The following PER3 variants were observed in gnomAD, a reference collection of about 807,000 sequenced individuals.
PER3 encodes the protein period circadian regulator 3.
In PER3, 107 loss-of-function variants were observed where a neutral mutation model predicts 127.2. The observed-to-expected ratio is 0.84, with a 90% CI of 0.72 to 0.99. PER3 has a LOEUF of 0.99. PER3 is among the 50% of genes least tolerant of loss of function. The pLI, the probability that PER3 is intolerant of heterozygous loss-of-function variation, is 0.00. For synonymous variants in PER3, 618 were observed against 585.8 expected, an observed-to-expected ratio of 1.05 and a Z score of -0.79; for missense variants, 1,560 against 1,525.8, an observed-to-expected ratio of 1.02 and a Z score of -0.37.
intron 19 of PER3, 36 bp downstream of exon 19, chr1:7,830,197 A>G (rs763593756): frequency 1.7e-5 from 27 of 1,547,890 alleles, no homozygotes; most frequent in African/African-American, 4.1e-5. Context: ...TCAAACTCCA[A>G]TGCCAGACAT....
chr1:7,830,144 C>A lies in PER3; in HGVS notation c.3197C>A (p.Thr1066Asn), dbSNP rs1414636473. 3.7e-6 allele frequency: 6 copies of A among 1,613,966 alleles called. No homozygotes were observed. In the Admixed American group the frequency reaches 1.0e-4, roughly 27 times the overall value. ...GSPPSESPSR[T>N]GSAASGSSDS... The stretch of plus-strand genomic sequence containing the variant: ...CCTCCCAGCGAATCCCCATCCAGAA[C>A]TGGTTCAGCAGCATCAGGTAGTGGA... The change falls in exon 19 of 22, where the codon ACT becomes AAT. Residue 1066 changes from threonine (T) to asparagine (N), a missense_variant. Physicochemically the swap from Thr to Asn is moderately conservative, Grantham distance 65. Coordinates refer to ENST00000377532, the MANE Select transcript of PER3 (RefSeq NM_001377275.1).
In PER3 at chr1:7,843,830, G is replaced by C; in HGVS notation, c.*1075G>C. On this transcript the variant is annotated 3_prime_UTR_variant, in exon 22 of 22. Coordinates refer to ENST00000377532, the MANE Select transcript of PER3 (RefSeq NM_001377275.1). ...GTCACCGCTTTCTATGGCGTTTGTA[G>C]TTGTGTCTTTTAAGAAGTGAGTGTG... 3.1e-6 allele frequency: 3 copies of C among 978,026 alleles called. No individual in the cohort carries two copies. Among genetic ancestry groups the C allele is most frequent in the Non-Finnish European group, 4.0e-6 (3 of 751,938 alleles). 60.6% of individuals were successfully genotyped at this position (978,026 alleles called of 1,614,324 possible).
intron 6 of PER3, among the ~76,000 whole-genome samples, chr1:7,796,600 C>G (rs935054539): frequency 3.9e-5 from 6 of 152,074 alleles, no homozygotes; most frequent in Non-Finnish European, 7.4e-5. Context: ...CAGGCGTGAG[C>G]CACCATGCCT....
At chr1:7,837,415 T>G (rs190693126) in intron 21 of PER3, among the ~76,000 whole-genome samples, 2 of 152,310 alleles carry the variant, frequency 1.3e-5, no homozygotes, top group Admixed American at 6.5e-5. Context: ...CCAGTTGGAA[T>G]GTTAGGGTAC....
rs754490513 is a variant in PER3 at position 7,826,432 on chromosome 1, C to G, written c.1958-48C>G. On this transcript the variant is annotated intron_variant, in intron 16 of 21. Coordinates refer to ENST00000377532, the MANE Select transcript of PER3 (RefSeq NM_001377275.1). This position sits in a 1 kb window ranked among gnomAD's most constrained non-coding sequence, Gnocchi z 4.2. ...GGCAGTTAACAAAGTAAAATAAATA[C>G]AAATAATTGATAGGAATTAAAATTA... 5 of 1,031,868 alleles carry G rather than the reference C, an allele frequency of 4.8e-6. No homozygotes were observed. The South Asian group carries it at 6.7e-5, about 14-fold the overall frequency. The allele number at this position is 1,031,868 out of a possible 1,614,324, so 63.9% of individuals were successfully genotyped here. A position where few individuals can be genotyped will look rare whatever the true frequency, so the allele number is the denominator to read the frequency against.
At chr1:7,835,218 G>A (rs228657) in intron 19 of PER3, among the ~76,000 whole-genome samples, 11,369 of 152,206 alleles carry the variant, frequency 0.075, 531 homozygotes, top group Middle Eastern at 0.13. Context: ...GTGATGATGC[G>A]TTTATTGTAG....
At chr1:7,814,316 T>C (rs1425861424) in intron 13 of PER3, among the ~76,000 whole-genome samples, 1 of 152,098 alleles carries the variant, frequency 6.6e-6, no homozygotes, top group Non-Finnish European at 1.5e-5. Context: ...ATATTCAAAC[T>C]GATGGAAAAA....
Position 7,820,518 on chromosome 1 carries a change from G to T in PER3, c.1835G>T (p.Arg612Leu). 1 of 1,613,856 alleles carries T rather than the reference G, an allele frequency of 6.2e-7. No individual in the cohort carries two copies. The highest frequency in any genetic ancestry group is 1.1e-5 in the South Asian group (1 of 91,040). Residue 612 changes from arginine to leucine, a missense_variant, in exon 16 of 22, where the codon CGG becomes CTG. Around this residue, in one of 3 missense-constraint regions of PER3, gnomAD observed 1,332 missense variants for 1,223.6 expected, o/e 1.09. Coordinates refer to ENST00000377532, the MANE Select transcript of PER3 (RefSeq NM_001377275.1). ...IPKSEMPTNG[R>L]SIDTGGGAPQ... Reference sequence around the variant, plus strand: ...AAATCAGAAATGCCAACAAATGGACGGTCCATAGACACAGGAGGAGGAGCT... The same window carrying T: ...AAATCAGAAATGCCAACAAATGGACTGTCCATAGACACAGGAGGAGGAGCT...
At chr1:7,841,483 A>C (rs943964628) in intron 21 of PER3, among the ~76,000 whole-genome samples, 1 of 152,172 alleles carries the variant, frequency 6.6e-6, no homozygotes, top group Non-Finnish European at 1.5e-5. Flanking sequence ...GTCCAAGGTC[A>C]GGGATGGGTA....
intron 19 of PER3, among the ~76,000 whole-genome samples, chr1:7,834,101 G>A (rs1201017944): frequency 2.0e-5 from 3 of 151,914 alleles, no homozygotes; most frequent in African/African-American, 7.3e-5. Flanking sequence ...TGTATTTTTA[G>A]TATAGACGGA....
rs200589634 is a variant in PER3 at position 7,785,525 on chromosome 1, C to T, written c.213C>T (p.Arg71=). Residue 71 remains arginine, a synonymous_variant, in exon 3 of 22, where the codon CGC becomes CGT. Coordinates refer to ENST00000377532, the MANE Select transcript of PER3 (RefSeq NM_001377275.1). The part of the protein sequence containing the change: ...EMKKYFPSER[R]NKPSTLDALN... ...AAAAATACTTCCCCTCGGAGAGACG[C>T]AATAAACCAAGCACTCTAGATGCCC... 7.2e-5 allele frequency: 116 copies of T among 1,612,332 alleles called. No individual in the cohort carries two copies. Among genetic ancestry groups the T allele is most frequent in the Non-Finnish European group, 9.5e-5 (112 of 1,178,454 alleles).
intron 13 of PER3, among the ~76,000 whole-genome samples, chr1:7,819,016 T>C (rs1333463417): frequency 6.6e-6 from 1 of 152,372 alleles, no homozygotes; most frequent in African/African-American, 2.4e-5. Context: ...TGATAATCTT[T>C]GTTGGAAATT....
chr1:7,840,034 C>T (rs2097377309), intron 21 of PER3, among the ~76,000 whole-genome samples: 1 of 152,114 alleles, frequency 6.6e-6, no homozygotes, highest in South Asian at 2.1e-4. Flanking sequence ...GATGGTTTCC[C>T]ACATGTCCTC....
intron 5 of PER3, among the ~76,000 whole-genome samples, chr1:7,788,959 C>G (rs1190454526): frequency 6.6e-6 from 1 of 151,210 alleles, no homozygotes; most frequent in African/African-American, 2.4e-5. Flanking sequence ...TTTTTCTTGC[C>G]CCTGAAACTT....
intron 16 of PER3, among the ~76,000 whole-genome samples, chr1:7,825,267 A>AT (rs1247027702): frequency 1.3e-5 from 2 of 152,036 alleles, no homozygotes; most frequent in African/African-American, 2.4e-5. Flanking sequence ...GTTAGAAGTA[A>AT]TTTTTTTAGA....
chr1:7,825,947 C>T (rs2097299564), intron 16 of PER3, among the ~76,000 whole-genome samples: 1 of 151,544 alleles, frequency 6.6e-6, no homozygotes, highest in African/African-American at 2.4e-5. Flanking sequence ...GTGGCACACG[C>T]TTATAGTCCC....
Position 7,827,119 on chromosome 1 carries a change from A to T in PER3, c.2190A>T (p.Gly730=). Residue 730 remains glycine, a splice_region_variant and synonymous_variant, in exon 18 of 22, where the codon GGA becomes GGT. Coordinates refer to ENST00000377532, the MANE Select transcript of PER3 (RefSeq NM_001377275.1). The part of the protein sequence containing the change: ...RSKAKYSYFQ[G]DSTSKQTRSA... The stretch of plus-strand genomic sequence containing the variant: ...TTGCCTCTACCTTTATCCTTCCAGG[A>T]GATTCTACTTCCAAGCAGACGCGGT... 1 of 1,584,720 alleles carries T rather than the reference A, an allele frequency of 6.3e-7. No individual in the cohort carries two copies. The highest frequency in any genetic ancestry group is 1.1e-5 in the South Asian group (1 of 86,996).
intron 6 of PER3, among the ~76,000 whole-genome samples, chr1:7,797,902 A>C (rs1553305353): frequency 1.3e-5 from 2 of 152,162 alleles, no homozygotes; most frequent in Non-Finnish European, 2.9e-5. Flanking sequence ...CATCAATCAG[A>C]GCCTCCCCTG....
At position 7,819,564 on chromosome 1, in the gene PER3, A is replaced by G; in HGVS notation, c.1658+144A>G. 4 of 708,638 alleles carry G rather than the reference A, an allele frequency of 5.6e-6. No homozygotes were observed. The East Asian group carries it at 7.5e-5, about 13-fold the overall frequency. 43.9% of individuals were successfully genotyped at this position (708,638 alleles called of 1,614,324 possible). On this transcript the variant is annotated intron_variant, in intron 14 of 21. Transcript: ENST00000377532. Reference sequence around the variant, plus strand: ...TAGACGTTTATGGCGTGCCTAACACATACGCTGAACATTTCAGAAGGCACA... The same window carrying G: ...TAGACGTTTATGGCGTGCCTAACACGTACGCTGAACATTTCAGAAGGCACA...
Sources: allele counts gnomAD v4.1 joint callset (sites outside exome capture counted in the v4.1 genomes callset), GRCh38; gene constraint gnomAD v4.1.1; regional missense constraint gnomAD v4.1.1; non-coding constraint Gnocchi (gnomAD v3.1); transcripts MANE v1.5; gene names NCBI Gene and HGNC (gene_info 2026-07-23, HGNC 2026-07-21).